Variants in ITGAE observed in about 807,000 individuals in gnomAD.
ITGAE encodes integrin alpha-E.
ITGAE carries 99 observed loss-of-function variants against 136.5 expected under a neutral mutation model. That is an observed-to-expected ratio of 0.73 (90% CI 0.62 to 0.86). The LOEUF is 0.86. Among genes scored for constraint, ITGAE ranks in the 40% least tolerant of loss-of-function variants. The pLI is 0.00. For synonymous variants in ITGAE, 613 were observed against 591.8 expected (o/e 1.04, Z -0.52); for missense variants, 1,447 against 1,515.3 (o/e 0.95, Z 0.75).
rs774973445 is a variant in ITGAE, at chr17:3,753,310, C to T, written c.1648G>A (p.Val550Met). ...CCCACCTGCTCGCTGAGACGGTACACGTAGACTCTGCCTTCTTCTCCATGA... is the reference window on the plus strand; with the variant it reads ...CCCACCTGCTCGCTGAGACGGTACATGTAGACTCTGCCTTCTTCTCCATGA... ...HVHGEEGRVY[V>M]YRLSEQDGSF... is the part of the protein sequence containing the mutation. The change falls in exon 14 of 31, where the codon GTG (valine) becomes ATG (methionine). Residue 550 changes from valine to methionine, a missense_variant. This residue lies in a region of ITGAE where 1,031 missense variants were observed against 1,011.4 expected (regional missense o/e 1.02). Transcript: ENST00000263087. The T allele has an allele frequency of 8.1e-6, 13 of 1,613,996 alleles. No individual in the cohort carries two copies. Among genetic ancestry groups the T allele is most frequent in the African/African-American group, 2.7e-5 (2 of 74,904 alleles).
chr17:3,796,102 T>C (rs1488947149), intron 1 of ITGAE, among the ~76,000 whole-genome samples: 21 of 57,332 alleles, frequency 3.7e-4, no homozygotes, highest in African/African-American at 2.3e-3. Context: ...TCCGTGTGTG[T>C]GCATCCCTGT....
At position 3,795,517 on chromosome 17, in the gene ITGAE, G is replaced by A. The variant is rs552223322; in HGVS notation, c.34+5594C>T. On this transcript the variant is annotated intron_variant, in intron 1 of 30. Coordinates refer to ENST00000263087, the MANE Select transcript of ITGAE (RefSeq NM_002208.5). ...GAGGGGTGTGGTTTGTGCATGGCCCGTCGGAAGATTGAATATTTGTGTCTG... is the reference window on the plus strand; with the variant it reads ...GAGGGGTGTGGTTTGTGCATGGCCCATCGGAAGATTGAATATTTGTGTCTG... 4.1e-4 allele frequency among the ~76,000 whole-genome samples: 62 copies of A among 152,316 alleles called. 1 individual carries two copies. In the Middle Eastern group the frequency reaches 0.014, roughly 33 times the overall value.
chr17:3,753,219 G>T, intron 14 of ITGAE, 71 bp downstream of exon 14: 1 of 1,532,740 alleles, frequency 6.5e-7, no homozygotes. Flanking sequence ...GGCACTCCCA[G>T]CCTCCATCAC....
Position 3,794,929 on chromosome 17 carries a change from C to A in ITGAE, c.34+6182G>T, listed in dbSNP as rs1256360509. On this transcript the variant is annotated intron_variant, in intron 1 of 30. Coordinates refer to ENST00000263087, the MANE Select transcript of ITGAE (RefSeq NM_002208.5). Reference sequence around the variant, plus strand: ...TCCTCTCCTGGGCGTCCGTGGCACCCCCCCGCTCTGCCCGGCGCACCCTCT... The same window carrying A: ...TCCTCTCCTGGGCGTCCGTGGCACCACCCCGCTCTGCCCGGCGCACCCTCT... 3.9e-5 allele frequency among the ~76,000 whole-genome samples: 6 copies of A among 152,172 alleles called. No individual in the cohort carries two copies. The South Asian group carries it at 1.0e-3, about 26-fold the overall frequency.
intron 26 of ITGAE, chr17:3,724,106 C>T (rs995162034): frequency 6.3e-7 from 1 of 1,594,706 alleles, no homozygotes; most frequent in South Asian, 1.1e-5. Flanking sequence ...TCGGCGACCC[C>T]TCGCAGTCCG....
At chr17:3,722,855 C>T (rs913178033) in intron 28 of ITGAE, among the ~76,000 whole-genome samples, 14 of 152,174 alleles carry the variant, frequency 9.2e-5, no homozygotes, top group Middle Eastern at 3.4e-3. Context: ...TCTTAGAAGA[C>T]GGATAGCTGT....
intron 8 of ITGAE, among the ~76,000 whole-genome samples, chr17:3,758,666 G>A (rs1410403134): frequency 2.0e-5 from 3 of 151,868 alleles, no homozygotes. Flanking sequence ...TGGCCAGGCT[G>A]GTCTTGAACT....
rs762079337 is a variant in ITGAE at position 3,731,177 on chromosome 17, CAT to C, written c.2759_2760del (p.His920ArgfsTer28). ...GHPVLKRSSAHVSVVWQLEEN... is the reference protein window; with the variant it reads ...GHPVLKRSSAXVSVVWQLEEN... ...TCCTCTAGCTGCCAAACGACTGAAA[CAT>C]GAGCCTATTTTAAAGGGGGAAAAAT... On this transcript the variant is annotated frameshift_variant, in exon 23 of 31. Transcript: ENST00000263087. LOFTEE classifies it high-confidence loss of function. 131 of 1,613,358 alleles carry C rather than the reference CAT, an allele frequency of 8.1e-5. No individual in the cohort carries two copies. The highest frequency in any genetic ancestry group is 1.8e-4 in the Admixed American group (11 of 59,966).
At chr17:3,795,924 T>C (rs1347466926) in intron 1 of ITGAE, among the ~76,000 whole-genome samples, 1 of 145,416 alleles carries the variant, frequency 6.9e-6, no homozygotes, top group Admixed American at 6.7e-5. Flanking sequence ...TCCGTGTGTG[T>C]GCATCCGTGT....
At chr17:3,720,272 C>T in intron 29 of ITGAE, 35 bp downstream of exon 29, 1 of 1,009,828 alleles carries the variant, frequency 9.9e-7, no homozygotes, top group Non-Finnish European at 1.6e-6. Context: ...GCACAATTTT[C>T]CTTGGGCACT....
intron 26 of ITGAE, 81 bp downstream of exon 26, chr17:3,727,838 C>G (rs1194192114): frequency 1.1e-6 from 1 of 920,262 alleles, no homozygotes; most frequent in Non-Finnish European, 1.8e-6. Context: ...CACTCTGTTT[C>G]TAGAACTCTG....
intron 1 of ITGAE, among the ~76,000 whole-genome samples, chr17:3,792,648 G>A (rs1170263314): frequency 6.6e-6 from 1 of 152,124 alleles, no homozygotes; most frequent in African/African-American, 2.4e-5. Flanking sequence ...TTTCTATCAC[G>A]TGCCCCACTG....
At chr17:3,718,980 C>T (rs2050993563) in intron 29 of ITGAE, among the ~76,000 whole-genome samples, 1 of 151,868 alleles carries the variant, frequency 6.6e-6, no homozygotes, top group African/African-American at 2.4e-5. Flanking sequence ...GCCTGTAATC[C>T]CAGCACTTTG....
At position 3,716,885 on chromosome 17, in the gene ITGAE, A is replaced by C. The variant is rs1490124717; in HGVS notation, c.3334-87T>G. On this transcript the variant is annotated intron_variant, in intron 29 of 30. Transcript: ENST00000263087. ...ATGTTATTTTAAGGAGCAAAATACGAGGACTTGGCAACAACCCGTGTATTG... is the reference window on the plus strand; with the variant it reads ...ATGTTATTTTAAGGAGCAAAATACGCGGACTTGGCAACAACCCGTGTATTG... The C allele has an allele frequency of 4.0e-5, 30 of 747,262 alleles. No individual in the cohort carries two copies. The Admixed American group carries it at 6.1e-4, about 15-fold the overall frequency. The allele number at this position is 747,262 out of a possible 1,614,324, so 46.3% of individuals were successfully genotyped here. A position where few individuals can be genotyped will look rare whatever the true frequency, so the allele number is the denominator to read the frequency against.
At chr17:3,730,689 C>T (rs952706730) in intron 23 of ITGAE, among the ~76,000 whole-genome samples, 16 of 152,088 alleles carry the variant, frequency 1.1e-4, no homozygotes, top group Admixed American at 3.3e-4. Flanking sequence ...ACCCCCCTCC[C>T]CAAGTCATGG....
intron 22 of ITGAE, among the ~76,000 whole-genome samples, 174 bp downstream of exon 22, chr17:3,732,194 C>T (rs545041442): frequency 6.6e-6 from 1 of 152,298 alleles, no homozygotes; most frequent in South Asian, 2.1e-4. Context: ...GGAAAGCTCT[C>T]GTCCCCATCA....
intron 29 of ITGAE, chr17:3,718,031 TGCCCC>T (rs1431545485): frequency 6.6e-6 from 1 of 152,232 alleles, no homozygotes; most frequent in Non-Finnish European, 1.5e-5. Context: ...TTCCCAAAAG[TGCCCC>T]AAAGATGCCC....
In ITGAE at chr17:3,741,226, C is replaced by T. The variant is rs187678377; in HGVS notation, c.2449-1348G>A. On this transcript the variant is annotated intron_variant, in intron 19 of 30. Coordinates refer to ENST00000263087, the MANE Select transcript of ITGAE (RefSeq NM_002208.5). Reference sequence around the variant, plus strand: ...CCGAGTAGCTGGGACTACAGCTGCCCGCCACCACGCCCAGCTAATTTTTTT... The same window carrying T: ...CCGAGTAGCTGGGACTACAGCTGCCTGCCACCACGCCCAGCTAATTTTTTT... Among the ~76,000 whole-genome samples, 1,457 of 149,234 alleles carry T rather than the reference C, an allele frequency of 9.8e-3. 20 individuals carry two copies. Among genetic ancestry groups the T allele is most frequent in the African/African-American group, 0.034 (1,382 of 40,232 alleles).
At chr17:3,723,179 G>T in intron 28 of ITGAE, 109 bp downstream of exon 28, 1 of 799,416 alleles carries the variant, frequency 1.3e-6, no homozygotes. Flanking sequence ...TGCACCAAAA[G>T]ATCTATTTTG....
Sources: gnomAD v4.1 joint callset for allele counts (sites outside exome capture counted in the v4.1 genomes callset) on GRCh38, gnomAD v4.1.1 for gene constraint, gnomAD v4.1.1 regional missense constraint, MANE v1.5 for transcripts, NCBI Gene and HGNC (gene_info 2026-07-23, HGNC 2026-07-21) for gene names.